Variants in MIER2 observed in about 807,000 individuals in gnomAD.
MIER2 encodes mesoderm induction early response protein 2.
A neutral mutation model predicts 67.6 loss-of-function variants in MIER2; 30 were observed. That is an observed-to-expected ratio of 0.44 (90% CI 0.33 to 0.60). The LOEUF (loss-of-function observed/expected upper bound fraction) is 0.60, where lower values mean the gene tolerates loss of function less well. Among genes scored for constraint, MIER2 ranks in the 20% least tolerant of loss-of-function variants. The pLI is 0.02. For missense variants in MIER2, 702 were observed against 745.1 expected (o/e 0.94, Z 0.67); for synonymous variants, 372 against 312.6 (o/e 1.19, Z -2.00).
At chr19:323,805 T>C (rs1344978168) in intron 7 of MIER2, among the ~76,000 whole-genome samples, 1 of 142,984 alleles carries the variant, frequency 7.0e-6, no homozygotes, top group Admixed American at 7.0e-5. Context: ...ACAGACGTCA[T>C]CACAATGCAA....
chr19:318,563 G>A (rs1971358673), intron 7 of MIER2, among the ~76,000 whole-genome samples: 1 of 152,168 alleles, frequency 6.6e-6, no homozygotes, highest in Admixed American at 6.5e-5. Flanking sequence ...GAATACAGAT[G>A]ATGTGAACAA....
chr19:310,636 A>AAC lies in MIER2; in HGVS notation c.984+1207_984+1208dup, dbSNP rs199814029. Among the ~76,000 whole-genome samples the AAC allele has an allele frequency of 2.9e-3, 311 of 107,858 alleles. 16 individuals carry two copies. The highest frequency in any genetic ancestry group is 7.0e-3 in the African/African-American group (140 of 20,048). 70.8% of individuals were successfully genotyped at this position (107,858 alleles called of 152,430 possible). The stretch of plus-strand genomic sequence containing the variant: ...TAGAAACACAGCCCGGAGCTATAGA[A>AAC]ACAGCCCAGAGTCCAGAAACACAGC... On this transcript the variant is annotated intron_variant, in intron 10 of 13. Transcript: ENST00000264819.
At position 307,413 on chromosome 19, in the gene MIER2, G is replaced by T. The variant is rs768929225; in HGVS notation, c.1322C>A (p.Pro441His). The change falls in exon 13 of 14, where the codon CCC (proline) becomes CAC (histidine). Residue 441 changes from proline to histidine, a missense_variant. Transcript: ENST00000264819. ...FQQLDESPAV[P>H]LSHRPPALAD... ...CAGGGCTGGGGGCCGATGGGACAGG[G>T]GTACAGCGGGGGACTCATCCAGCTG... The T allele has an allele frequency of 6.2e-7, 1 of 1,604,834 alleles. No individual in the cohort carries two copies. The highest frequency in any genetic ancestry group is 1.1e-5 in the South Asian group (1 of 89,750).
At chr19:311,759 G>T in intron 10 of MIER2, 86 bp downstream of exon 10, 1 of 1,318,492 alleles carries the variant, frequency 7.6e-7, no homozygotes, top group Non-Finnish European at 1.1e-6. Context: ...CAGGCCTCCA[G>T]TCGGCCGTGT....
rs568376617 is a variant in MIER2, at chr19:312,102, G to A, written c.889+89C>T. 135 of 1,207,584 alleles carry A rather than the reference G, an allele frequency of 1.1e-4. 1 individual carries two copies. In the African/African-American group the frequency reaches 1.7e-3, roughly 15 times the overall value. The allele number at this position is 1,207,584 out of a possible 1,614,324, so 74.8% of individuals were successfully genotyped here. On this transcript the variant is annotated intron_variant, in intron 9 of 13. Coordinates refer to ENST00000264819, the MANE Select transcript of MIER2 (RefSeq NM_017550.3). ...GGTCAGCGGCGCCCAGGGCGGGGCCGCAGCGGAAGGAAGGCCCAGGCCGGG... is the reference window on the plus strand; with the variant it reads ...GGTCAGCGGCGCCCAGGGCGGGGCCACAGCGGAAGGAAGGCCCAGGCCGGG...
rs149416448 is a variant in MIER2 at position 327,574 on chromosome 19, C to A, written c.369+290G>T. Among the ~76,000 whole-genome samples the A allele has an allele frequency of 1.6e-3, 243 of 152,346 alleles. 1 individual carries two copies. Among genetic ancestry groups the A allele is most frequent in the African/African-American group, 5.5e-3 (228 of 41,580 alleles). On this transcript the variant is annotated intron_variant, in intron 4 of 13. Coordinates refer to ENST00000264819, the MANE Select transcript of MIER2 (RefSeq NM_017550.3). Reference sequence around the variant, plus strand: ...CCCGCCCCTGCTCCCAACACCCAAGCCTTGACCTGTGACCTCTGGGTACGG... The same window carrying A: ...CCCGCCCCTGCTCCCAACACCCAAGACTTGACCTGTGACCTCTGGGTACGG...
chr19:323,851 A>C (rs1971607410), intron 7 of MIER2, among the ~76,000 whole-genome samples: 1 of 152,006 alleles, frequency 6.6e-6, no homozygotes, highest in Non-Finnish European at 1.5e-5. Flanking sequence ...GACAACTCGA[A>C]TGACACAGGC....
At chr19:320,551 G>A (rs941343248) in intron 7 of MIER2, among the ~76,000 whole-genome samples, 49 of 152,190 alleles carry the variant, frequency 3.2e-4, no homozygotes, top group African/African-American at 1.2e-3. Context: ...GAGGTGAGCG[G>A]CAGGAGAGCC....
chr19:344,564 G>A (rs1444860966), intron 1 of MIER2: 1 of 178,244 alleles, frequency 5.6e-6, no homozygotes, highest in Non-Finnish European at 7.1e-6. Flanking sequence ...TGTGGCAGCC[G>A]GGGGAGTTGG....
intron 1 of MIER2, among the ~76,000 whole-genome samples, chr19:342,734 C>A (rs531991606): frequency 6.6e-6 from 1 of 151,924 alleles, no homozygotes; most frequent in South Asian, 2.1e-4. Flanking sequence ...CAAATTGCCA[C>A]TTTTACGGGT....
At chr19:336,261 TCAGAGCC>T in intron 1 of MIER2, 88 bp from the exon 2 acceptor site, 1 of 1,099,300 alleles carries the variant, frequency 9.1e-7, no homozygotes, top group Non-Finnish European at 1.3e-6. Flanking sequence ...CAAGCGCTGG[TCAGAGCC>T]CAGTCCCCAG....
chr19:318,380 T>C (rs1002439402), intron 7 of MIER2, among the ~76,000 whole-genome samples: 4 of 152,100 alleles, frequency 2.6e-5, no homozygotes, highest in African/African-American at 9.7e-5. Context: ...CACGTCACAA[T>C]GGTAAAAGAA....
In MIER2 at chr19:306,583, AC is replaced by A; in HGVS notation, c.*106del. 1.4e-6 allele frequency: 2 copies of A among 1,438,692 alleles called. No homozygotes were observed. The highest frequency in any genetic ancestry group is 1.9e-6 in the Non-Finnish European group (2 of 1,048,748). 89.1% of individuals were successfully genotyped at this position (1,438,692 alleles called of 1,614,324 possible). A position where few individuals can be genotyped will look rare whatever the true frequency, so the allele number is the denominator to read the frequency against. On this transcript the variant is annotated 3_prime_UTR_variant, in exon 14 of 14. Coordinates refer to ENST00000264819, the MANE Select transcript of MIER2 (RefSeq NM_017550.3). ...GTGTTCTGAAGCAGAAGGAGGTGCT[AC>A]CCCAAGGCCCGGGGGGTGGGGAAGG...
intron 3 of MIER2, among the ~76,000 whole-genome samples, chr19:332,313 G>GT (rs1008390565): frequency 2.6e-5 from 4 of 151,218 alleles, no homozygotes; most frequent in Admixed American, 6.6e-5. Flanking sequence ...AATTTTTTTT[G>GT]TTTTTTTGAG....
At position 336,075 on chromosome 19, in the gene MIER2, G is replaced by T; in HGVS notation, c.100+8C>A. The T allele has an allele frequency of 6.2e-7, 1 of 1,612,754 alleles. No individual in the cohort carries two copies. The highest frequency in any genetic ancestry group is 1.1e-5 in the South Asian group (1 of 90,958). ...GGACCTGAGCAGGGGAAGGAGGGAG[G>T]AAGGTACCTGCTGTTGTCTGCAAGC... is the stretch of plus-strand genomic sequence containing the variant. On this transcript the variant is annotated splice_region_variant and intron_variant, in intron 2 of 13. Transcript: ENST00000264819.
At chr19:310,346 G>A (rs1048977389) in intron 10 of MIER2, among the ~76,000 whole-genome samples, 2 of 152,250 alleles carry the variant, frequency 1.3e-5, no homozygotes, top group Non-Finnish European at 2.9e-5. Context: ...CAACCTCCCT[G>A]CAGGGCAAAC....
Position 342,590 on chromosome 19 carries a change from G to C in MIER2, c.9+2184C>G, listed in dbSNP as rs112264959. Among the ~76,000 whole-genome samples, 640 of 149,882 alleles carry C rather than the reference G, an allele frequency of 4.3e-3. 6 individuals are homozygous for C. Among genetic ancestry groups the C allele is most frequent in the African/African-American group, 0.015 (606 of 40,616 alleles). On this transcript the variant is annotated intron_variant, in intron 1 of 13. Transcript: ENST00000264819. The stretch of plus-strand genomic sequence containing the variant: ...GTAGGAGCAAAAGATGGTGCTCTTA[G>C]GTTTTTAAAAGATCAATCTAGTATG...
At chr19:327,381 T>C in intron 4 of MIER2, 125 bp from the exon 5 acceptor site, 1 of 1,235,326 alleles carries the variant, frequency 8.1e-7, no homozygotes, top group Non-Finnish European at 1.1e-6. Flanking sequence ...CTATTCCCAT[T>C]CTGCAAAGGG....
chr19:343,746 G>A (rs1252556424), intron 1 of MIER2: 5 of 729,206 alleles, frequency 6.9e-6, no homozygotes, highest in Non-Finnish European at 8.4e-6. Context: ...TAACTTCTGC[G>A]CACAGAAGTC....
Sources: gnomAD v4.1 joint callset for allele counts (sites outside exome capture counted in the v4.1 genomes callset) on GRCh38, gnomAD v4.1.1 for gene constraint, MANE v1.5 for transcripts, NCBI Gene and HGNC (gene_info 2026-07-23, HGNC 2026-07-21) for gene names.